SLC35F2: variants seen among roughly 807,000 people sequenced by gnomAD.
The protein encoded by SLC35F2 is queuine/queuosine transporter SLC35F2.
In SLC35F2, 25 loss-of-function variants were observed where a neutral mutation model predicts 38.1. The observed-to-expected ratio is 0.66, with a 90% CI of 0.48 to 0.92. The LOEUF (loss-of-function observed/expected upper bound fraction) is 0.92. SLC35F2 is among the 40% of genes least tolerant of loss of function. The pLI is 0.00. For synonymous variants in SLC35F2, 173 were observed against 181.7 expected, an observed-to-expected ratio of 0.95 and a Z score of 0.38; for missense variants, 409 against 452.9, an observed-to-expected ratio of 0.90 and a Z score of 0.88.
At chr11:107,841,704 G>A (rs12221840) in intron 1 of SLC35F2, among the ~76,000 whole-genome samples, 50,074 of 151,864 alleles carry the variant, frequency 0.33, 9,473 homozygotes, top group Admixed American at 0.49. Flanking sequence ...GGGCGCAGTG[G>A]CTCACACTTG....
At chr11:107,834,445 G>A (rs1297469677) in intron 1 of SLC35F2, among the ~76,000 whole-genome samples, 1 of 152,162 alleles carries the variant, frequency 6.6e-6, no homozygotes, top group Non-Finnish European at 1.5e-5. Flanking sequence ...GAGGTCAGGA[G>A]TTCGAGAACA....
chr11:107,823,974 C>T (rs543103421), intron 1 of SLC35F2: 12 of 976,020 alleles, frequency 1.2e-5, no homozygotes, highest in Non-Finnish European at 1.5e-5. Context: ...TTATAAGTAG[C>T]TTTTCTTTAC....
chr11:107,855,816 G>GA (rs10691375), intron 1 of SLC35F2, among the ~76,000 whole-genome samples: 83,513 of 148,596 alleles, frequency 0.56, 23,470 homozygotes, highest in South Asian at 0.62. Context: ...CATTAGGAGA[G>GA]AAAAAAAAAA....
chr11:107,858,151 G>A (rs1274389502), intron 1 of SLC35F2, among the ~76,000 whole-genome samples: 4 of 152,186 alleles, frequency 2.6e-5, no homozygotes, highest in African/African-American at 9.6e-5. Context: ...AGAGAGAGCC[G>A]GCTCTGGTCT....
At chr11:107,843,859 AAAAAAAAAAATATATATAT>A (rs1302327892) in intron 1 of SLC35F2, among the ~76,000 whole-genome samples, 5 of 38,798 alleles carry the variant, frequency 1.3e-4, no homozygotes, top group African/African-American at 4.4e-4. Flanking sequence ...AAAAAAAAAA[AAAAAAAAAAATATATATAT>A]ATATATATAT....
chr11:107,795,659 A>T (rs1483385953), intron 7 of SLC35F2, among the ~76,000 whole-genome samples: 10 of 152,242 alleles, frequency 6.6e-5, no homozygotes. Context: ...TGGGCGAAGG[A>T]CATGAATAAA....
chr11:107,833,307 C>G (rs1271236159), intron 1 of SLC35F2, among the ~76,000 whole-genome samples: 1 of 151,830 alleles, frequency 6.6e-6, no homozygotes, highest in African/African-American at 2.4e-5. Flanking sequence ...AGATCACGAG[C>G]TCAAGAGATC....
intron 2 of SLC35F2, among the ~76,000 whole-genome samples, chr11:107,813,589 C>T (rs1369301333): frequency 6.6e-6 from 1 of 152,194 alleles, no homozygotes; most frequent in African/African-American, 2.4e-5. Flanking sequence ...GGGAGTCTCA[C>T]CAAATTCCTG....
At chr11:107,849,346 A>G (rs573343336) in intron 1 of SLC35F2, among the ~76,000 whole-genome samples, 1 of 152,232 alleles carries the variant, frequency 6.6e-6, no homozygotes, top group Admixed American at 6.5e-5. Context: ...ATTAGTCACA[A>G]TAGGGATTGA....
chr11:107,849,129 A>C (rs761956788), intron 1 of SLC35F2, among the ~76,000 whole-genome samples: 1 of 152,156 alleles, frequency 6.6e-6, no homozygotes, highest in Non-Finnish European at 1.5e-5. Flanking sequence ...CTATTTTTGT[A>C]GGATTGTCAT....
chr11:107,799,237 T>C (rs972993068), intron 7 of SLC35F2, among the ~76,000 whole-genome samples: 3 of 152,218 alleles, frequency 2.0e-5, no homozygotes, highest in African/African-American at 7.2e-5. Context: ...AAGAATGTAC[T>C]ATTAGACATT....
chr11:107,792,539 T>C lies in SLC35F2; in HGVS notation c.*76A>G. On this transcript the variant is annotated 3_prime_UTR_variant, in exon 8 of 8. Transcript: ENST00000525815. ...TAGAGTGTCCATTCTGAGTCTGCTA[T>C]TTCCCCAAGTGTCCCCTCAGCAGGC... 2.0e-6 allele frequency: 3 copies of C among 1,489,338 alleles called. No individual in the cohort carries two copies. In the South Asian group the frequency reaches 4.2e-5, roughly 21 times the overall value. The allele number at this position is 1,489,338 out of a possible 1,614,324, so 92.3% of individuals were successfully genotyped here.
At chr11:107,817,838 T>A (rs1591194131) in intron 1 of SLC35F2, among the ~76,000 whole-genome samples, 2 of 150,882 alleles carry the variant, frequency 1.3e-5, no homozygotes. Flanking sequence ...GGCAGGCGGA[T>A]CACAAAGTCA....
chr11:107,806,578 C>G, intron 4 of SLC35F2, 139 bp downstream of exon 4: 1 of 752,806 alleles, frequency 1.3e-6, no homozygotes, highest in Non-Finnish European at 2.3e-6. Flanking sequence ...GAATTCAACA[C>G]AAAGTGTGGC....
intron 7 of SLC35F2, among the ~76,000 whole-genome samples, chr11:107,793,941 C>T (rs987769938): frequency 6.6e-5 from 10 of 152,002 alleles, no homozygotes; most frequent in Admixed American, 3.3e-4. Context: ...GAGGAAAGAA[C>T]ACTAATTCAT....
At chr11:107,829,774 A>AT (rs1033465847) in intron 1 of SLC35F2, among the ~76,000 whole-genome samples, 4 of 151,590 alleles carry the variant, frequency 2.6e-5, no homozygotes, top group African/African-American at 9.7e-5. Flanking sequence ...AGTAGAAAAA[A>AT]ATATATATAT....
chr11:107,817,989 G>A (rs563448728), intron 1 of SLC35F2, among the ~76,000 whole-genome samples: 17 of 150,004 alleles, frequency 1.1e-4, no homozygotes, highest in South Asian at 1.1e-3. Context: ...CCCGGGAGGC[G>A]GAGTTTGCAG....
intron 7 of SLC35F2, among the ~76,000 whole-genome samples, chr11:107,796,357 C>G (rs1859217581): frequency 6.6e-6 from 1 of 152,134 alleles, no homozygotes; most frequent in Non-Finnish European, 1.5e-5. Flanking sequence ...TTCACAATAG[C>G]AAAGATATGG....
chr11:107,852,562 A>C (rs1001369250), intron 1 of SLC35F2, among the ~76,000 whole-genome samples: 1 of 151,070 alleles, frequency 6.6e-6, no homozygotes, highest in Non-Finnish European at 1.5e-5. Context: ...AAAAAAAAAA[A>C]AAAATACAAA....
Sources: gnomAD v4.1 joint callset for allele counts (sites outside exome capture counted in the v4.1 genomes callset) on GRCh38, gnomAD v4.1.1 for gene constraint, MANE v1.5 for transcripts, NCBI Gene and HGNC (gene_info 2026-07-23, HGNC 2026-07-21) for gene names.